Variants in GTF2A1 observed in about 807,000 individuals in gnomAD.
GTF2A1 encodes the protein general transcription factor IIA subunit 1.
A neutral mutation model predicts 54.1 loss-of-function variants in GTF2A1; 12 were observed. The observed-to-expected ratio is 0.22, with a 90% CI of 0.14 to 0.36. The LOEUF (loss-of-function observed/expected upper bound fraction) is 0.36, where lower values mean the gene tolerates loss of function less well. GTF2A1 is among the 10% of genes least tolerant of loss of function. The probability of loss-of-function intolerance (pLI) is 1.00; values close to 1 mark genes in which losing one functional copy is unlikely to be tolerated. For missense variants in GTF2A1, 335 were observed against 442.2 expected (o/e 0.76, Z 2.17); for synonymous variants, 145 against 152.0 (o/e 0.95, Z 0.34).
chr14:81,183,979 A>G (rs896979583), intron 8 of GTF2A1, among the ~76,000 whole-genome samples: 5 of 152,168 alleles, frequency 3.3e-5, no homozygotes, highest in Admixed American at 3.3e-4. Flanking sequence ...ACCCTCCTCC[A>G]ATCTTCAGAG....
intron 2 of GTF2A1, among the ~76,000 whole-genome samples, chr14:81,215,226 T>C (rs1441449459): frequency 6.6e-6 from 1 of 152,234 alleles, no homozygotes; most frequent in Non-Finnish European, 1.5e-5. Context: ...TTTTTAATAT[T>C]CAGTTTGTCA....
chr14:81,186,167 T>C (rs1892741024), intron 7 of GTF2A1, among the ~76,000 whole-genome samples: 1 of 152,234 alleles, frequency 6.6e-6, no homozygotes, highest in Non-Finnish European at 1.5e-5. Context: ...TTATTTTCTT[T>C]ATTTTTTAAA....
intron 1 of GTF2A1, among the ~76,000 whole-genome samples, chr14:81,217,048 T>C (rs1187004525): frequency 6.6e-6 from 1 of 152,224 alleles, no homozygotes; most frequent in Non-Finnish European, 1.5e-5. Flanking sequence ...ACACTCACAA[T>C]GGCAGGTCTT....
rs577578382 is a variant in GTF2A1 at position 81,201,338 on chromosome 14, C to T, written c.402+256G>A. ...CTTGGTAGGTACCCTAAAACTTTTT[C>T]GGAAATAGTAGGGAATGGAATAACT... On this transcript the variant is annotated intron_variant, in intron 4 of 8. Coordinates refer to ENST00000553612, the MANE Select transcript of GTF2A1 (RefSeq NM_015859.4). Among the ~76,000 whole-genome samples, 8 of 152,178 alleles carry T rather than the reference C, an allele frequency of 5.3e-5. No homozygotes were observed. The South Asian group carries it at 6.2e-4, about 12-fold the overall frequency.
intron 5 of GTF2A1, among the ~76,000 whole-genome samples, chr14:81,197,057 C>T (rs957780695): frequency 6.6e-6 from 1 of 152,104 alleles, no homozygotes; most frequent in Non-Finnish European, 1.5e-5. Context: ...TCTTAATATG[C>T]TCTAGGAATT....
intron 2 of GTF2A1, among the ~76,000 whole-genome samples, chr14:81,207,615 T>C (rs1371088749): frequency 6.6e-6 from 1 of 151,864 alleles, no homozygotes. Flanking sequence ...GCTGGAACGG[T>C]TTGGGGAGCT....
At chr14:81,186,909 T>C (rs2140149040) in intron 7 of GTF2A1, among the ~76,000 whole-genome samples, 1 of 151,852 alleles carries the variant, frequency 6.6e-6, no homozygotes, top group South Asian at 2.1e-4. Context: ...GATCACACCA[T>C]TGCACTCCAG....
At chr14:81,214,993 T>C (rs1196225682) in intron 2 of GTF2A1, among the ~76,000 whole-genome samples, 1 of 152,160 alleles carries the variant, frequency 6.6e-6, no homozygotes, top group Non-Finnish European at 1.5e-5. Context: ...AGTTTCTTAA[T>C]AGTTAGTTAC....
In GTF2A1 at chr14:81,218,179, A is replaced by G. The variant is rs180943444; in HGVS notation, c.31-1665T>C. Among the ~76,000 whole-genome samples the G allele has an allele frequency of 3.1e-3, 471 of 152,246 alleles. 3 individuals are homozygous for G. Among genetic ancestry groups the G allele is most frequent in the African/African-American group, 0.011 (452 of 41,522 alleles). ...TTGGGAGTATAAATCTCAAATTGAC[A>G]ATATGTATGCTTTTCAGTAAACTAG... is the stretch of plus-strand genomic sequence containing the variant. On this transcript the variant is annotated intron_variant, in intron 1 of 8. Transcript: ENST00000553612.
intron 7 of GTF2A1, among the ~76,000 whole-genome samples, chr14:81,188,718 A>G (rs1892802840): frequency 6.6e-6 from 1 of 151,746 alleles, no homozygotes; most frequent in Non-Finnish European, 1.5e-5. Context: ...CTGAGCTTGC[A>G]GTGAGCCGAC....
In GTF2A1 at chr14:81,201,127, C is replaced by CTATAATGACTTATTAGACTATACTATGGT. The variant is rs1384127839; in HGVS notation, c.402+438_402+466dup. ...AATGTATTCTGTGGTAATTTACACA[C>CTATAATGACTTATTAGACTATACTATGGT]TATAATGACTTATTAGACTATACTA... On this transcript the variant is annotated intron_variant, in intron 4 of 8. Coordinates refer to ENST00000553612, the MANE Select transcript of GTF2A1 (RefSeq NM_015859.4). 2.0e-5 allele frequency among the ~76,000 whole-genome samples: 3 copies of CTATAATGACTTATTAGACTATACTATGGT among 152,270 alleles called. No homozygotes were observed. In the East Asian group the frequency reaches 5.8e-4, roughly 29 times the overall value.
chr14:81,195,240 A>G lies in GTF2A1; in HGVS notation c.612+868T>C, dbSNP rs1460774231. 7.2e-5 allele frequency among the ~76,000 whole-genome samples: 11 copies of G among 152,106 alleles called. No individual in the cohort carries two copies. The South Asian group carries it at 1.0e-3, about 14-fold the overall frequency. Reference sequence around the variant, plus strand: ...AAGACAATGCAGCATTTTAGTGACAAATCATGGACAGTATGAACTAAGGAA... The same window carrying G: ...AAGACAATGCAGCATTTTAGTGACAGATCATGGACAGTATGAACTAAGGAA... On this transcript the variant is annotated intron_variant, in intron 6 of 8. Transcript: ENST00000553612.
intron 4 of GTF2A1, among the ~76,000 whole-genome samples, chr14:81,200,566 G>A (rs1217807862): frequency 6.6e-6 from 1 of 150,894 alleles, no homozygotes; most frequent in Admixed American, 6.6e-5. Flanking sequence ...GGCGGAGGTT[G>A]CAGTTAGCCA....
intron 4 of GTF2A1, among the ~76,000 whole-genome samples, chr14:81,198,103 G>T (rs938018793): frequency 6.6e-6 from 1 of 152,058 alleles, no homozygotes; most frequent in East Asian, 1.9e-4. Context: ...TTATATTCTA[G>T]GTGAAACATG....
At chr14:81,203,321 GAT>G in intron 3 of GTF2A1, among the ~76,000 whole-genome samples, 1 of 152,254 alleles carries the variant, frequency 6.6e-6, no homozygotes, top group South Asian at 2.1e-4. Flanking sequence ...TATAAATTAA[GAT>G]ATGTTATATA....
At chr14:81,214,537 T>C (rs1893444241) in intron 2 of GTF2A1, among the ~76,000 whole-genome samples, 1 of 151,660 alleles carries the variant, frequency 6.6e-6, no homozygotes, top group Non-Finnish European at 1.5e-5. Context: ...TCCCAGCTAC[T>C]TGGGAGGCTG....
At chr14:81,189,500 T>C (rs1008088367) in intron 7 of GTF2A1, among the ~76,000 whole-genome samples, 21 of 151,876 alleles carry the variant, frequency 1.4e-4, no homozygotes, top group African/African-American at 4.6e-4. Flanking sequence ...CGAAACCCCA[T>C]CTCTACTAAA....
intron 7 of GTF2A1, among the ~76,000 whole-genome samples, chr14:81,187,982 G>A (rs374343386): frequency 2.6e-5 from 4 of 152,124 alleles, no homozygotes; most frequent in African/African-American, 9.7e-5. Context: ...ATCCTCACCA[G>A]CATTTATTTT....
chr14:81,193,986 CAA>C (rs1172083737), intron 6 of GTF2A1, among the ~76,000 whole-genome samples: 3 of 152,126 alleles, frequency 2.0e-5, no homozygotes, highest in Non-Finnish European at 4.4e-5. Flanking sequence ...TATGGGAACA[CAA>C]GAGAGTGTAC....
Sources: allele counts gnomAD v4.1 joint callset (sites outside exome capture counted in the v4.1 genomes callset), GRCh38; gene constraint gnomAD v4.1.1; transcripts MANE v1.5; gene names NCBI Gene and HGNC (gene_info 2026-07-23, HGNC 2026-07-21).